CD2: variants seen among roughly 807,000 people sequenced by gnomAD.
The protein encoded by CD2 is CD2 molecule.
In CD2, 18 loss-of-function variants were observed where a neutral mutation model predicts 23.2. The observed-to-expected ratio is 0.77, with a 90% CI of 0.54 to 1.15. The LOEUF (loss-of-function observed/expected upper bound fraction) is 1.15. Ranked by LOEUF, CD2 falls within the 50% of genes most tolerant of loss-of-function variation. The pLI is 0.00. For missense variants in CD2, 424 were observed against 423.1 expected (o/e 1.00, Z -0.02); for synonymous variants, 162 against 151.9 (o/e 1.07, Z -0.49).
In CD2 at chr1:116,760,514, A is replaced by T. The variant is rs1192027244; in HGVS notation, c.495A>T (p.Leu165=). ...ACCTGTATCAAGATGGGAAACATCTAAAACTTTCTCAGAGGGTCATCACAC... is the reference window on the plus strand; with the variant it reads ...ACCTGTATCAAGATGGGAAACATCTTAAACTTTCTCAGAGGGTCATCACAC... The part of the protein sequence containing the change: ...ELNLYQDGKH[L]KLSQRVITHK... The change falls in exon 3 of 5, where the codon CTA becomes CTT. Residue 165 remains leucine, a synonymous_variant. Coordinates refer to ENST00000369478, the MANE Select transcript of CD2 (RefSeq NM_001767.5). 6.2e-7 allele frequency: 1 copy of T among 1,614,092 alleles called. No individual in the cohort carries two copies. The highest frequency in any genetic ancestry group is 1.3e-5 in the African/African-American group (1 of 74,938).
At chr1:116,768,199 G>A (rs1652274102) in intron 4 of CD2, among the ~76,000 whole-genome samples, 2 of 152,246 alleles carry the variant, frequency 1.3e-5, no homozygotes, top group South Asian at 4.1e-4. Context: ...CTGATCATGG[G>A]AGCCCCAGGC....
At chr1:116,766,893 G>A (rs1652233527) in intron 4 of CD2, among the ~76,000 whole-genome samples, 1 of 151,958 alleles carries the variant, frequency 6.6e-6, no homozygotes, top group African/African-American at 2.4e-5. Context: ...AACAAAAATA[G>A]TGGGTGAACA....
Position 116,768,614 on chromosome 1 carries a change from G to C in CD2, c.887G>C (p.Arg296Pro). ...PGHRSQAPSH[R>P]PPPPGHRVQH... ...CATCGTTCCCAGGCACCTAGTCATC[G>C]TCCCCCGCCTCCTGGACACCGTGTT... is the stretch of plus-strand genomic sequence containing the variant. Residue 296 changes from arginine (R) to proline (P), a missense_variant, in exon 5 of 5, where the codon CGT (arginine) becomes CCT (proline). Transcript: ENST00000369478. 3 of 1,613,808 alleles carry C rather than the reference G, an allele frequency of 1.9e-6. No individual in the cohort carries two copies. Among genetic ancestry groups the C allele is most frequent in the Admixed American group, 3.3e-5 (2 of 59,988 alleles).
chr1:116,764,358 G>T (rs1458414591), intron 3 of CD2, 126 bp from the exon 4 acceptor site: 3 of 1,421,996 alleles, frequency 2.1e-6, no homozygotes, highest in East Asian at 2.4e-5. Context: ...GAGCCTGGGA[G>T]TTATGGGGTG....
intron 2 of CD2, among the ~76,000 whole-genome samples, chr1:116,755,813 G>T (rs914074605): frequency 6.6e-6 from 1 of 152,174 alleles, no homozygotes; most frequent in East Asian, 1.9e-4. Context: ...GGGAGAGAAG[G>T]TAGAGAAAGT....
chr1:116,757,985 T>C (rs1651914058), intron 2 of CD2, among the ~76,000 whole-genome samples: 1 of 151,840 alleles, frequency 6.6e-6, no homozygotes, highest in African/African-American at 2.4e-5. Context: ...GCCAGGCTAC[T>C]CTTGAACTCC....
intron 3 of CD2, among the ~76,000 whole-genome samples, chr1:116,762,824 T>A (rs2101165159): frequency 6.6e-6 from 1 of 152,312 alleles, no homozygotes; most frequent in Admixed American, 6.5e-5. Context: ...TACTACCAGG[T>A]GCCCCAGGGC....
At chr1:116,763,598 A>T in intron 3 of CD2, among the ~76,000 whole-genome samples, 1 of 152,206 alleles carries the variant, frequency 6.6e-6, no homozygotes, top group East Asian at 1.9e-4. Flanking sequence ...CAGTTTACAA[A>T]GCACTTTCAT....
At position 116,760,438 on chromosome 1, in the gene CD2, T is replaced by A. The variant is rs780550266; in HGVS notation, c.419T>A (p.Ile140Asn). ...AAACCAAAGATCTCCTGGACTTGTA[T>A]CAACACAACCCTGACCTGTGAGGTA... ...VSKPKISWTC[I>N]NTTLTCEVMN... Residue 140 changes from isoleucine (I) to asparagine (N), a missense_variant, in exon 3 of 5, where the codon ATC (isoleucine) becomes AAC (asparagine). Physicochemically the swap from Ile to Asn is moderately radical, Grantham distance 149. Transcript: ENST00000369478. 3 of 1,614,164 alleles carry A rather than the reference T, an allele frequency of 1.9e-6. No individual in the cohort carries two copies. Among genetic ancestry groups the A allele is most frequent in the Non-Finnish European group, 2.5e-6 (3 of 1,180,028 alleles).
rs1651794384 is a variant in CD2 at position 116,755,056 on chromosome 1, G to A, written c.382+105G>A. 5.2e-6 allele frequency: 4 copies of A among 772,604 alleles called. No individual in the cohort carries two copies. In the East Asian group the frequency reaches 8.0e-5, roughly 15 times the overall value. The allele number at this position is 772,604 out of a possible 1,614,324, so 47.9% of individuals were successfully genotyped here. ...CCCAGCGCTGACCTCTGCCTCCAGGGGGGCTATACAGGAAACCAGATGCAT... is the reference window on the plus strand; with the variant it reads ...CCCAGCGCTGACCTCTGCCTCCAGGAGGGCTATACAGGAAACCAGATGCAT... On this transcript the variant is annotated intron_variant, in intron 2 of 4. Transcript: ENST00000369478.
intron 3 of CD2, 119 bp from the exon 4 acceptor site, chr1:116,764,365 G>C: frequency 1.4e-6 from 2 of 1,450,132 alleles, no homozygotes; most frequent in Non-Finnish European, 1.8e-6. Flanking sequence ...GGAGTTATGG[G>C]GTGAAAGGTC....
intron 2 of CD2, among the ~76,000 whole-genome samples, chr1:116,756,341 G>A (rs397839806): frequency 8.5e-4 from 130 of 152,268 alleles, no homozygotes; most frequent in Admixed American, 1.4e-3. Flanking sequence ...CATTTGGGTC[G>A]CATTTAGCAT....
Position 116,768,493 on chromosome 1 carries a change from G to A in CD2, c.766G>A (p.Val256Ile). The stretch of plus-strand genomic sequence containing the variant: ...GGAGCTGGAGACAAGAGCCCACAGA[G>A]TAGCTACTGAAGAAAGGGGCCGGAA... Reference protein sequence around the residue: ...DEELETRAHRVATEERGRKPH... With the variant: ...DEELETRAHRIATEERGRKPH... Residue 256 changes from valine to isoleucine, a missense_variant, in exon 5 of 5, where the codon GTA becomes ATA. Val to Ile is a conservative substitution (Grantham distance 29). Transcript: ENST00000369478. The A allele has an allele frequency of 6.2e-7, 1 of 1,614,150 alleles. No homozygotes were observed. The highest frequency in any genetic ancestry group is 1.1e-5 in the South Asian group (1 of 91,068).
Position 116,768,541 on chromosome 1 carries a change from A to T in CD2, c.814A>T (p.Thr272Ser), listed in dbSNP as rs1234614320. 16 of 1,613,954 alleles carry T rather than the reference A, an allele frequency of 9.9e-6. No homozygotes were observed. The highest frequency in any genetic ancestry group is 1.4e-5 in the Non-Finnish European group (16 of 1,180,028). The change falls in exon 5 of 5, where the codon ACC becomes TCC. Residue 272 changes from threonine (T) to serine (S), a missense_variant. Thr to Ser is a moderately conservative substitution (Grantham distance 58). Transcript: ENST00000369478. ...GRKPHQIPAS[T>S]PQNPATSQHP... is the part of the protein sequence containing the mutation. Reference sequence around the variant, plus strand: ...GAAGCCCCACCAAATTCCAGCTTCAACCCCTCAGAATCCAGCAACTTCCCA... The same window carrying T: ...GAAGCCCCACCAAATTCCAGCTTCATCCCCTCAGAATCCAGCAACTTCCCA...
In CD2 at chr1:116,759,249, C is replaced by A. The variant is rs185445197; in HGVS notation, c.383-1153C>A. ...AAACTTTTAATTTAATTTCTGCATGCCTATATATATCGGGACATAAATGAA... is the reference window on the plus strand; with the variant it reads ...AAACTTTTAATTTAATTTCTGCATGACTATATATATCGGGACATAAATGAA... On this transcript the variant is annotated intron_variant, in intron 2 of 4. Coordinates refer to ENST00000369478, the MANE Select transcript of CD2 (RefSeq NM_001767.5). Among the ~76,000 whole-genome samples, 21 of 152,190 alleles carry A rather than the reference C, an allele frequency of 1.4e-4. No homozygotes were observed. In the East Asian group the frequency reaches 2.3e-3, roughly 17 times the overall value.
rs760747639 is a variant in CD2, at chr1:116,760,453, C to G, written c.434C>G (p.Thr145Ser). Residue 145 changes from threonine to serine, a missense_variant, in exon 3 of 5, where the codon ACC (threonine) becomes AGC (serine). Physicochemically the swap from Thr to Ser is moderately conservative, Grantham distance 58 (BLOSUM62 1). Transcript: ENST00000369478. ...ISWTCINTTL[T>S]CEVMNGTDPE... is the part of the protein sequence containing the mutation. Reference sequence around the variant, plus strand: ...TGGACTTGTATCAACACAACCCTGACCTGTGAGGTAATGAATGGAACTGAC... The same window carrying G: ...TGGACTTGTATCAACACAACCCTGAGCTGTGAGGTAATGAATGGAACTGAC... 189 of 1,614,034 alleles carry G rather than the reference C, an allele frequency of 1.2e-4. No homozygotes were observed. The highest frequency in any genetic ancestry group is 1.6e-4 in the Non-Finnish European group (184 of 1,180,028).
chr1:116,755,385 G>A (rs888997815), intron 2 of CD2, among the ~76,000 whole-genome samples: 3 of 152,224 alleles, frequency 2.0e-5, no homozygotes, highest in Admixed American at 2.0e-4. Context: ...TGCCCTGAAG[G>A]AGGAGTTATA....
chr1:116,756,217 G>T (rs374052588), intron 2 of CD2, among the ~76,000 whole-genome samples: 5 of 152,052 alleles, frequency 3.3e-5, no homozygotes, highest in African/African-American at 1.2e-4. Context: ...CGCTGAAAAG[G>T]GCCTCTGATT....
chr1:116,761,224 C>T lies in CD2; in HGVS notation c.613+592C>T, dbSNP rs528247119. ...AAACTCCAAGACCATAATGGATCCCCAGTGTCCCAGCCTGATGTGACCTCC... is the reference window on the plus strand; with the variant it reads ...AAACTCCAAGACCATAATGGATCCCTAGTGTCCCAGCCTGATGTGACCTCC... On this transcript the variant is annotated intron_variant, in intron 3 of 4. Coordinates refer to ENST00000369478, the MANE Select transcript of CD2 (RefSeq NM_001767.5). 2.0e-5 allele frequency among the ~76,000 whole-genome samples: 3 copies of T among 152,300 alleles called. 1 individual carries two copies. Among genetic ancestry groups the T allele is most frequent in the South Asian group, 4.2e-4 (2 of 4,816 alleles).
Sources: gnomAD v4.1 joint callset for allele counts (sites outside exome capture counted in the v4.1 genomes callset) on GRCh38, gnomAD v4.1.1 for gene constraint, MANE v1.5 for transcripts, NCBI Gene and HGNC (gene_info 2026-07-23, HGNC 2026-07-21) for gene names.